NMNAT2: variants seen among roughly 807,000 people sequenced by gnomAD.
The protein encoded by NMNAT2 is nicotinamide/nicotinic acid mononucleotide adenylyltransferase 2.
NMNAT2 carries 11 observed loss-of-function variants against 41.6 expected under a neutral mutation model. That is an observed-to-expected ratio of 0.26 (90% confidence interval 0.17 to 0.44). The LOEUF is 0.44. NMNAT2 is among the 20% of genes least tolerant of loss of function. The pLI is 1.00. For synonymous variants in NMNAT2, 148 were observed against 151.2 expected (o/e 0.98, Z 0.16); for missense variants, 288 against 407.7 (o/e 0.71, Z 2.53).
rs538946998 is a variant in NMNAT2, at chr1:183,326,744, C to T, written c.86-32951G>A. On this transcript the variant is annotated intron_variant, in intron 1 of 10. Coordinates refer to ENST00000287713, the MANE Select transcript of NMNAT2 (RefSeq NM_015039.4). ...GCTGTGAGGAGAATGGATTGAGAAG[C>T]TCGCAGAACAAGATTGCAATGGACA... is the stretch of plus-strand genomic sequence containing the variant. Among the ~76,000 whole-genome samples, 7 of 152,198 alleles carry T rather than the reference C, an allele frequency of 4.6e-5. No homozygotes were observed. The South Asian group carries it at 1.0e-3, about 23-fold the overall frequency.
intron 1 of NMNAT2, among the ~76,000 whole-genome samples, chr1:183,392,082 A>G (rs1648498918): frequency 2.0e-5 from 3 of 152,164 alleles, no homozygotes; most frequent in African/African-American, 7.2e-5. Context: ...TACTATTTAT[A>G]TATTTTTATT....
At chr1:183,303,351 C>A (rs12748895) in intron 1 of NMNAT2, among the ~76,000 whole-genome samples, 4 of 151,986 alleles carry the variant, frequency 2.6e-5, no homozygotes, top group African/African-American at 7.3e-5. Flanking sequence ...CTGTGTTAGG[C>A]GCAGTGTTAG....
intron 10 of NMNAT2, among the ~76,000 whole-genome samples, chr1:183,259,717 A>G (rs1187447994): frequency 6.6e-6 from 1 of 152,012 alleles, no homozygotes; most frequent in Admixed American, 6.6e-5. Context: ...CTCCTGCCTC[A>G]GTCTCCCGAG....
chr1:183,377,267 C>T (rs1439124694), intron 1 of NMNAT2, among the ~76,000 whole-genome samples: 1 of 151,978 alleles, frequency 6.6e-6, no homozygotes, highest in Non-Finnish European at 1.5e-5. Context: ...ACAGTGACTG[C>T]CTACAACTGA....
At chr1:183,418,118 A>G in intron 1 of NMNAT2, 65 bp downstream of exon 1, 1 of 1,484,184 alleles carries the variant, frequency 6.7e-7, no homozygotes, top group South Asian at 1.1e-5. Context: ...TCGCCCTGGA[A>G]AACACAGGTG....
intron 1 of NMNAT2, among the ~76,000 whole-genome samples, chr1:183,340,439 C>T (rs141703662): frequency 2.4e-4 from 36 of 151,910 alleles, no homozygotes; most frequent in African/African-American, 8.7e-4. Flanking sequence ...TCTCCTGCCT[C>T]AGCCTCCCTA....
chr1:183,415,831 T>C (rs188573295), intron 1 of NMNAT2, among the ~76,000 whole-genome samples: 1 of 152,232 alleles, frequency 6.6e-6, no homozygotes, highest in South Asian at 2.1e-4. Context: ...GTATTTTGTG[T>C]TCTTATTCTT....
intron 1 of NMNAT2, among the ~76,000 whole-genome samples, chr1:183,355,178 T>C (rs760264650): frequency 2.6e-5 from 4 of 152,188 alleles, no homozygotes; most frequent in Non-Finnish European, 5.9e-5. Context: ...TATTCATCCT[T>C]CAAGGCTCTG....
rs1660384312 is a variant in NMNAT2, at chr1:183,251,682, G to C, written c.*959C>G. On this transcript the variant is annotated 3_prime_UTR_variant, in exon 11 of 11. Coordinates refer to ENST00000287713, the MANE Select transcript of NMNAT2 (RefSeq NM_015039.4). ...TACAGTCCACAAAGGTAAATGAACA[G>C]ATGCCACCAGGAAATGAGGATGGAC... 1 of 152,836 alleles carries C rather than the reference G, an allele frequency of 6.5e-6. No individual in the cohort carries two copies. The highest frequency in any genetic ancestry group is 2.4e-5 in the African/African-American group (1 of 41,452). The allele number at this position is 152,836 out of a possible 1,614,324, so 9.5% of individuals were successfully genotyped here.
chr1:183,352,462 C>G (rs1401760545), intron 1 of NMNAT2, among the ~76,000 whole-genome samples: 1 of 148,906 alleles, frequency 6.7e-6, no homozygotes, highest in Non-Finnish European at 1.5e-5. Flanking sequence ...ACTCGGGAGG[C>G]TTAGGCAGGA....
intron 1 of NMNAT2, among the ~76,000 whole-genome samples, chr1:183,375,704 T>A (rs904086557): frequency 6.6e-6 from 1 of 152,230 alleles, no homozygotes; most frequent in African/African-American, 2.4e-5. Context: ...TATACCTTGG[T>A]GGCATTACTT....
chr1:183,410,157 CAAA>C (rs57169849), intron 1 of NMNAT2, among the ~76,000 whole-genome samples: 53 of 128,666 alleles, frequency 4.1e-4, no homozygotes, highest in Admixed American at 3.4e-3. Flanking sequence ...AAAATAATAC[CAAA>C]AAAAAAAAAA....
intron 1 of NMNAT2, among the ~76,000 whole-genome samples, chr1:183,378,510 G>A (rs370411453): frequency 1.5e-4 from 23 of 151,456 alleles, no homozygotes; most frequent in Non-Finnish European, 3.1e-4. Context: ...AGCCAAGATC[G>A]TGCAACTGCA....
chr1:183,311,785 G>T (rs1003286740), intron 1 of NMNAT2, among the ~76,000 whole-genome samples: 11 of 150,770 alleles, frequency 7.3e-5, no homozygotes, highest in African/African-American at 2.7e-4. Context: ...GTTCTGCCCA[G>T]TGTAAACCAT....
intron 1 of NMNAT2, among the ~76,000 whole-genome samples, chr1:183,334,402 C>A (rs546435): frequency 0.71 from 108,468 of 152,016 alleles, 38,853 homozygotes; most frequent in East Asian, 0.9. Context: ...CTTTCTATGA[C>A]AGCCTCCTCA....
intron 1 of NMNAT2, among the ~76,000 whole-genome samples, chr1:183,373,044 TGACA>T (rs1663585980): frequency 6.6e-6 from 1 of 152,188 alleles, no homozygotes; most frequent in Non-Finnish European, 1.5e-5. Flanking sequence ...TCCCTGCAGC[TGACA>T]GACTCTAAAC....
chr1:183,417,967 G>A (rs535524210), intron 1 of NMNAT2, among the ~76,000 whole-genome samples: 135 of 151,006 alleles, frequency 8.9e-4, no homozygotes, highest in African/African-American at 3.2e-3. Context: ...GGCCCCCTGC[G>A]AGCCGGGTCT....
chr1:183,390,495 T>C (rs1648447774), intron 1 of NMNAT2, among the ~76,000 whole-genome samples: 1 of 152,208 alleles, frequency 6.6e-6, no homozygotes, highest in Admixed American at 6.5e-5. Context: ...TTGTCTCACA[T>C]ATACTTGTTG....
chr1:183,252,840 CT>C, intron 10 of NMNAT2, 97 bp from the exon 11 acceptor site: 2 of 867,220 alleles, frequency 2.3e-6, no homozygotes, highest in Non-Finnish European at 3.9e-6. Context: ...CATTTGTAGC[CT>C]TTTCTCAGGT....
Sources: gnomAD v4.1 joint callset for allele counts (sites outside exome capture counted in the v4.1 genomes callset) on GRCh38, gnomAD v4.1.1 for gene constraint, MANE v1.5 for transcripts, NCBI Gene and HGNC (gene_info 2026-07-23, HGNC 2026-07-21) for gene names.